Variants in CDH13 observed in about 807,000 individuals in gnomAD.
The protein encoded by CDH13 is cadherin-13.
A neutral mutation model predicts 63.8 loss-of-function variants in CDH13; 24 were observed. The ratio of observed to expected loss-of-function variants is 0.38; its 90% CI spans 0.27 to 0.53. CDH13 has a LOEUF of 0.53. CDH13 is among the 20% of genes least tolerant of loss of function. The pLI is 0.85. For missense variants in CDH13, 1,049 were observed against 903.1 expected (o/e 1.16, Z -2.07); for synonymous variants, 503 against 355.3 (o/e 1.42, Z -4.67).
At chr16:82,876,577 C>T (rs1270968783) in intron 2 of CDH13, among the ~76,000 whole-genome samples, 1 of 152,204 alleles carries the variant, frequency 6.6e-6, no homozygotes, top group Non-Finnish European at 1.5e-5. Context: ...CTTTCAACTT[C>T]TGTACTCGTC....
At position 83,591,509 on chromosome 16, in the gene CDH13, G is replaced by A. The variant is rs976897377; in HGVS notation, c.961-10945G>A. 5.9e-5 allele frequency among the ~76,000 whole-genome samples: 9 copies of A among 152,292 alleles called. No individual in the cohort carries two copies. The East Asian group carries it at 7.7e-4, about 13-fold the overall frequency. ...AGGTAGGGCAGGACGAGAAGGCCTC[G>A]AAGGTACTTTTGAGAACTTGTGTCT... On this transcript the variant is annotated intron_variant, in intron 7 of 13. Coordinates refer to ENST00000567109, the MANE Select transcript of CDH13 (RefSeq NM_001257.5).
At chr16:82,889,300 A>ATCTCTCTCTCTCTC (rs59500269) in intron 2 of CDH13, among the ~76,000 whole-genome samples, 6 of 149,890 alleles carry the variant, frequency 4.0e-5, no homozygotes, top group African/African-American at 1.2e-4. Context: ...TCTCTCTATT[A>ATCTCTCTCTCTCTC]TCTCTCTCTC....
At chr16:83,327,205 G>A (rs1354340743) in intron 5 of CDH13, among the ~76,000 whole-genome samples, 1 of 152,168 alleles carries the variant, frequency 6.6e-6, no homozygotes, top group Middle Eastern at 3.2e-3. Flanking sequence ...ACACGTGTGA[G>A]AACAAAATCA....
At chr16:83,497,417 A>C (rs866346030) in intron 7 of CDH13, among the ~76,000 whole-genome samples, 55 of 151,370 alleles carry the variant, frequency 3.6e-4, no homozygotes, top group Middle Eastern at 6.8e-3. Context: ...AAGAACAAAA[A>C]ACCAAACACC....
At chr16:83,717,563 A>G (rs572136888) in intron 10 of CDH13, among the ~76,000 whole-genome samples, 7 of 152,374 alleles carry the variant, frequency 4.6e-5, no homozygotes, top group East Asian at 1.9e-4. Flanking sequence ...GGCACCTACT[A>G]TGAGCCAAGG....
chr16:82,846,957 G>T (rs1052252535), intron 1 of CDH13, among the ~76,000 whole-genome samples: 3 of 152,140 alleles, frequency 2.0e-5, no homozygotes, highest in African/African-American at 7.2e-5. Context: ...AAGGAGAGGA[G>T]CACTTAGGAC....
intron 11 of CDH13, among the ~76,000 whole-genome samples, chr16:83,765,295 A>T (rs1477483394): frequency 6.6e-6 from 1 of 151,488 alleles, no homozygotes; most frequent in Admixed American, 6.6e-5. Context: ...CCTCAAAATT[A>T]ATTATTTCCC....
intron 1 of CDH13, chr16:82,719,270 T>G (rs2032603616): frequency 2.4e-6 from 1 of 414,926 alleles, no homozygotes; most frequent in African/African-American, 2.0e-5. Context: ...AATATAATTT[T>G]GGCCTGAGTC....
chr16:82,656,929 TTTTTTTTA>T (rs1911366931), intron 1 of CDH13, among the ~76,000 whole-genome samples: 1 of 151,824 alleles, frequency 6.6e-6, no homozygotes, highest in African/African-American at 2.4e-5. Flanking sequence ...TTTTTTTTTT[TTTTTTTTA>T]GCATTGAATA....
chr16:82,815,912 T>G (rs150852020), intron 1 of CDH13, among the ~76,000 whole-genome samples: 1 of 152,354 alleles, frequency 6.6e-6, no homozygotes, highest in Non-Finnish European at 1.5e-5. Context: ...AATGTCATTC[T>G]TTCTGAATGC....
intron 11 of CDH13, among the ~76,000 whole-genome samples, chr16:83,749,916 C>A (rs2150974100): frequency 6.6e-6 from 1 of 152,276 alleles, no homozygotes; most frequent in Middle Eastern, 3.4e-3. Flanking sequence ...AAAGGTAGGG[C>A]ATGCTAGTTC....
chr16:83,497,329 C>T (rs12930260), intron 7 of CDH13, among the ~76,000 whole-genome samples: 75,057 of 151,570 alleles, frequency 0.5, 19,086 homozygotes, highest in East Asian at 0.82. Context: ...TACTATGCAG[C>T]CATAAAAAAG....
At chr16:83,179,354 A>G (rs1036642776) in intron 4 of CDH13, among the ~76,000 whole-genome samples, 2 of 151,908 alleles carry the variant, frequency 1.3e-5, no homozygotes, top group East Asian at 3.9e-4. Context: ...TACTATCAAC[A>G]AAAGGGAGGA....
chr16:83,468,501 A>G (rs1355688682), intron 6 of CDH13, among the ~76,000 whole-genome samples: 14 of 152,168 alleles, frequency 9.2e-5, no homozygotes, highest in Non-Finnish European at 1.6e-4. Context: ...AGTTCGTGGT[A>G]TTTGTTACAG....
Position 83,120,673 on chromosome 16 carries a change from C to T in CDH13, c.367-4712C>T, listed in dbSNP as rs187597584. ...TATTACAAATATATTTTACGTATTT[C>T]CTATTTTTGCCACCCTTAACAAACC... On this transcript the variant is annotated intron_variant, in intron 3 of 13. Coordinates refer to ENST00000567109, the MANE Select transcript of CDH13 (RefSeq NM_001257.5). Among the ~76,000 whole-genome samples, 310 of 151,964 alleles carry T rather than the reference C, an allele frequency of 2.0e-3. 1 individual carries two copies. The highest frequency in any genetic ancestry group is 9.4e-3 in the South Asian group (45 of 4,804).
At chr16:83,647,395 A>G (rs2150813653) in intron 8 of CDH13, among the ~76,000 whole-genome samples, 1 of 151,866 alleles carries the variant, frequency 6.6e-6, no homozygotes, top group South Asian at 2.1e-4. Context: ...GGGTGACCCC[A>G]GGAGGCTTAC....
rs150303692 is a variant in CDH13 at position 83,009,022 on chromosome 16, C to T, written c.158-22988C>T. The stretch of plus-strand genomic sequence containing the variant: ...ATCAGATCTCGTGAGAACTCACTAT[C>T]ATGACAACAGCATGGGGGAAACTAC... On this transcript the variant is annotated intron_variant, in intron 2 of 13. Coordinates refer to ENST00000567109, the MANE Select transcript of CDH13 (RefSeq NM_001257.5). Among the ~76,000 whole-genome samples the T allele has an allele frequency of 2.1e-4, 32 of 152,288 alleles. No homozygotes were observed. In the East Asian group the frequency reaches 6.0e-3, roughly 29 times the overall value.
intron 1 of CDH13, among the ~76,000 whole-genome samples, chr16:82,757,529 G>A (rs1024965515): frequency 1.3e-5 from 2 of 152,322 alleles, no homozygotes; most frequent in Middle Eastern, 3.4e-3. Flanking sequence ...GAGGGCTTCC[G>A]GAACACCTTA....
intron 10 of CDH13, among the ~76,000 whole-genome samples, chr16:83,723,398 C>A (rs1345953765): frequency 6.6e-6 from 1 of 152,214 alleles, no homozygotes; most frequent in Non-Finnish European, 1.5e-5. Context: ...GTCTGATTCG[C>A]CTCTGCTTGG....
Sources: allele counts gnomAD v4.1 joint callset (sites outside exome capture counted in the v4.1 genomes callset), GRCh38; gene constraint gnomAD v4.1.1; transcripts MANE v1.5; gene names NCBI Gene and HGNC (gene_info 2026-07-23, HGNC 2026-07-21).